The following PTPRE variants were observed in gnomAD, a reference collection of about 807,000 sequenced individuals.
PTPRE encodes the protein protein tyrosine phosphatase receptor type E.
Under a neutral mutation model 102.0 loss-of-function variants are expected in PTPRE, and 51 were observed. The observed-to-expected ratio is 0.50, with a 90% CI of 0.40 to 0.63. The LOEUF (loss-of-function observed/expected upper bound fraction) is 0.63. Ranked by LOEUF, PTPRE falls within the 30% of genes least tolerant of loss-of-function variation. PTPRE has a pLI of 0.00. For missense variants in PTPRE, 752 were observed against 915.1 expected (o/e 0.82, Z 2.30); for synonymous variants, 345 against 348.2 (o/e 0.99, Z 0.10).
At chr10:128,049,430 C>G in intron 5 of PTPRE, 100 bp from the exon 6 acceptor site, 1 of 1,436,084 alleles carries the variant, frequency 7.0e-7, no homozygotes, top group Non-Finnish European at 9.6e-7. Flanking sequence ...CCAGCTCCAG[C>G]CTGGTCATTT....
rs78007617 is a variant in PTPRE, at chr10:128,077,334, G to T, written c.1726-283G>T. 7.9e-5 allele frequency among the ~76,000 whole-genome samples: 12 copies of T among 152,348 alleles called. No homozygotes were observed. In the East Asian group the frequency reaches 2.3e-3, roughly 29 times the overall value. On this transcript the variant is annotated intron_variant, in intron 18 of 20. Coordinates refer to ENST00000254667, the MANE Select transcript of PTPRE (RefSeq NM_006504.6). ...TGATTCCCTTCTCTCCAGCAGAGCT[G>T]CCAAGGATCCCGTAGGGGTTGGGCA... is the stretch of plus-strand genomic sequence containing the variant.
At chr10:127,923,057 G>T (rs1174496140) in intron 1 of PTPRE, among the ~76,000 whole-genome samples, 1 of 152,224 alleles carries the variant, frequency 6.6e-6, no homozygotes, top group Non-Finnish European at 1.5e-5. Flanking sequence ...AGCGTCTGGC[G>T]GCATTCCCAG....
At chr10:127,992,079 T>G (rs186091581) in intron 2 of PTPRE, among the ~76,000 whole-genome samples, 28 of 151,712 alleles carry the variant, frequency 1.8e-4, no homozygotes, top group Admixed American at 1.3e-3. Flanking sequence ...TTTTACCCAG[T>G]AGAACCCAAG....
At chr10:128,059,858 G>T (rs1487517472) in intron 7 of PTPRE, among the ~76,000 whole-genome samples, 1 of 152,138 alleles carries the variant, frequency 6.6e-6, no homozygotes, top group African/African-American at 2.4e-5. Flanking sequence ...GTTCTATGGA[G>T]GAAGCTGCAA....
intron 2 of PTPRE, among the ~76,000 whole-genome samples, chr10:128,000,353 T>G (rs923666938): frequency 6.6e-6 from 1 of 152,202 alleles, no homozygotes. Flanking sequence ...TCAACTAACA[T>G]GAAAATGTTA....
chr10:127,913,584 A>G (rs967862690), intron 1 of PTPRE, among the ~76,000 whole-genome samples: 7 of 152,264 alleles, frequency 4.6e-5, no homozygotes, highest in Admixed American at 3.9e-4. Context: ...CCACAGTAGG[A>G]CTTTCATAGG....
At chr10:127,936,332 GC>G (rs141630235) in intron 1 of PTPRE, among the ~76,000 whole-genome samples, 2,516 of 152,238 alleles carry the variant, frequency 0.017, 67 homozygotes, top group African/African-American at 0.057. Flanking sequence ...GGATTTGGGG[GC>G]TGGTTTTTTT....
At chr10:128,076,753 C>A in intron 18 of PTPRE, 25 bp downstream of exon 18, 1 of 1,609,618 alleles carries the variant, frequency 6.2e-7, no homozygotes, top group Non-Finnish European at 8.5e-7. Context: ...GCTCTTTAAA[C>A]GCTTGTGAAT....
intron 2 of PTPRE, among the ~76,000 whole-genome samples, chr10:128,004,417 T>C (rs1854303390): frequency 6.6e-6 from 1 of 152,142 alleles, no homozygotes; most frequent in Non-Finnish European, 1.5e-5. Context: ...TCAATCTCCA[T>C]TTCCCCCTTC....
rs559667656 is a variant in PTPRE, at chr10:127,971,070, C to T, written c.-30-11204C>T. ...TGTCTACACACAGCGGCAGAGGTCT[C>T]TGTGTCCTTTGTCCCATGCAGAGAC... On this transcript the variant is annotated intron_variant, in intron 1 of 20. Coordinates refer to ENST00000254667, the MANE Select transcript of PTPRE (RefSeq NM_006504.6). Among the ~76,000 whole-genome samples the T allele has an allele frequency of 1.9e-4, 29 of 152,334 alleles. No individual in the cohort carries two copies. In the South Asian group the frequency reaches 6.0e-3, roughly 32 times the overall value.
At chr10:127,926,223 G>GA (rs1197526837) in intron 1 of PTPRE, among the ~76,000 whole-genome samples, 1 of 152,180 alleles carries the variant, frequency 6.6e-6, no homozygotes, top group Non-Finnish European at 1.5e-5. Context: ...CATGCAGAAT[G>GA]AAAAAACAAT....
At chr10:127,973,500 G>T (rs1850915868) in intron 1 of PTPRE, among the ~76,000 whole-genome samples, 1 of 152,038 alleles carries the variant, frequency 6.6e-6, no homozygotes, top group African/African-American at 2.4e-5. Context: ...GTTGTTGTGG[G>T]GTGGAGGATC....
chr10:127,987,050 G>A (rs1168100300), intron 2 of PTPRE, among the ~76,000 whole-genome samples: 3 of 152,180 alleles, frequency 2.0e-5, no homozygotes, highest in Non-Finnish European at 2.9e-5. Flanking sequence ...TTGGAAGAAT[G>A]CCTTTGGATC....
chr10:128,020,057 CGTGTGTGT>C (rs10611602), intron 2 of PTPRE, among the ~76,000 whole-genome samples: 2 of 143,814 alleles, frequency 1.4e-5, no homozygotes, highest in African/African-American at 5.0e-5. Context: ...CACGCGCGCA[CGTGTGTGT>C]GTGTGTGTGT....
Position 127,982,265 on chromosome 10 carries a change from C to A in PTPRE, c.-30-9C>A. 1 of 1,259,658 alleles carries A rather than the reference C, an allele frequency of 7.9e-7. No individual in the cohort carries two copies. Among genetic ancestry groups the A allele is most frequent in the Non-Finnish European group, 1.0e-6 (1 of 971,562 alleles). The allele number at this position is 1,259,658 out of a possible 1,614,324, so 78.0% of individuals were successfully genotyped here. A position where few individuals can be genotyped will look rare whatever the true frequency, so the allele number is the denominator to read the frequency against. On this transcript the variant is annotated splice_polypyrimidine_tract_variant and intron_variant, in intron 1 of 20. Transcript: ENST00000254667. ...AAAACTGACTTTTTTTTTCTTCTTT[C>A]TTCTTCAGACTATAGCCTTCACTTT...
intron 2 of PTPRE, among the ~76,000 whole-genome samples, chr10:127,985,999 G>A (rs879786956): frequency 1.1e-4 from 17 of 152,122 alleles, no homozygotes; most frequent in Non-Finnish European, 2.1e-4. Flanking sequence ...GCTGAGGCAT[G>A]AGAATTGCTT....
In PTPRE at chr10:127,944,894, G is replaced by A. The variant is rs1274178648; in HGVS notation, c.-30-37380G>A. Among the ~76,000 whole-genome samples the A allele has an allele frequency of 6.6e-6, 1 of 152,206 alleles. No individual in the cohort carries two copies. Among genetic ancestry groups the A allele is most frequent in the African/African-American group, 2.4e-5 (1 of 41,450 alleles). ...GCCTGAAGATCAGGAATCAGTGACT[G>A]TTCTTTAGATGTGTGGGGAAAAAGA... On this transcript the variant is annotated intron_variant, in intron 1 of 20. Transcript: ENST00000254667. The surrounding 1 kb of genome is among the most constrained non-coding windows in gnomAD (Gnocchi z 4.2).
intron 19 of PTPRE, among the ~76,000 whole-genome samples, chr10:128,079,260 C>T (rs965556270): frequency 6.6e-6 from 1 of 152,104 alleles, no homozygotes; most frequent in Non-Finnish European, 1.5e-5. Context: ...AGAACCATTG[C>T]CCTACACAAG....
At chr10:127,966,773 G>A (rs1001678872) in intron 1 of PTPRE, among the ~76,000 whole-genome samples, 2 of 152,160 alleles carry the variant, frequency 1.3e-5, no homozygotes, top group African/African-American at 4.8e-5. Context: ...ACCAACACCT[G>A]TCAGAACCCA....
Sources: gnomAD v4.1 joint callset for allele counts (sites outside exome capture counted in the v4.1 genomes callset) on GRCh38, gnomAD v4.1.1 for gene constraint, Gnocchi (gnomAD v3.1) non-coding constraint, MANE v1.5 for transcripts, NCBI Gene and HGNC (gene_info 2026-07-23, HGNC 2026-07-21) for gene names.